SH3PXD2B: variants seen among roughly 807,000 people sequenced by gnomAD.
The protein encoded by SH3PXD2B is SH3 and PX domain-containing protein 2B.
A neutral mutation model predicts 73.1 loss-of-function variants in SH3PXD2B; 37 were observed. That is an observed-to-expected ratio of 0.51 (90% CI 0.39 to 0.67). The LOEUF (loss-of-function observed/expected upper bound fraction) is 0.67, where lower values mean the gene tolerates loss of function less well. SH3PXD2B is among the 30% of genes least tolerant of loss of function. The pLI, the probability that SH3PXD2B is intolerant of heterozygous loss-of-function variation, is 0.00. For missense variants in SH3PXD2B, 1,053 were observed against 1,197.8 expected (o/e 0.88, Z 1.78); for synonymous variants, 457 against 480.5 (o/e 0.95, Z 0.64).
chr5:172,339,091 G>A lies in SH3PXD2B; in HGVS notation c.2014C>T (p.Pro672Ser). The A allele has an allele frequency of 6.2e-7, 1 of 1,614,220 alleles. No individual in the cohort carries two copies. The highest frequency in any genetic ancestry group is 8.5e-7 in the Non-Finnish European group (1 of 1,180,036). Residue 672 changes from proline to serine, a missense_variant, in exon 13 of 13, where the codon CCT (proline) becomes TCT (serine). Transcript: ENST00000311601. The surrounding 1 kb of genome is among the most constrained non-coding windows in gnomAD (Gnocchi z 6.1). ...DICNLRSKLR[P>S]AKSQDKSLLD... ...AAGGACTTGTCTTGGGACTTGGCAG[G>A]CCTGAGCTTACTCCTGAGGTTGCAG...
chr5:172,410,235 G>A (rs1758662184), intron 2 of SH3PXD2B, among the ~76,000 whole-genome samples: 1 of 152,176 alleles, frequency 6.6e-6, no homozygotes, highest in Admixed American at 6.5e-5. Flanking sequence ...TTCCCATGGT[G>A]GCTATACTAG....
intron 10 of SH3PXD2B, among the ~76,000 whole-genome samples, chr5:172,349,878 T>C (rs1198142078): frequency 6.6e-6 from 1 of 151,836 alleles, no homozygotes; most frequent in Admixed American, 6.6e-5. Flanking sequence ...AAATGGAGTT[T>C]CACTCTTGTC....
chr5:172,364,553 T>C (rs1243545919), intron 6 of SH3PXD2B, among the ~76,000 whole-genome samples: 1 of 152,040 alleles, frequency 6.6e-6, no homozygotes, highest in Admixed American at 6.5e-5. Context: ...TAGTCCCAGC[T>C]ACTCAGGAGG....
chr5:172,361,933 C>T (rs538814101), intron 7 of SH3PXD2B, among the ~76,000 whole-genome samples: 34 of 152,318 alleles, frequency 2.2e-4, no homozygotes, highest in Non-Finnish European at 4.1e-4. Context: ...GATTAGCTAA[C>T]GTCACATGTT....
At chr5:172,364,264 G>A (rs145434890) in intron 6 of SH3PXD2B, among the ~76,000 whole-genome samples, 4 of 152,242 alleles carry the variant, frequency 2.6e-5, no homozygotes, top group Admixed American at 2.0e-4. Context: ...GACATTTGCG[G>A]TCACAGGAGG....
intron 6 of SH3PXD2B, among the ~76,000 whole-genome samples, chr5:172,363,759 G>A (rs1757449303): frequency 6.6e-6 from 1 of 152,206 alleles, no homozygotes; most frequent in South Asian, 2.1e-4. Context: ...GGTCCCCGAG[G>A]CAAGCATGGG....
chr5:172,395,180 G>A (rs1045496369), intron 3 of SH3PXD2B, among the ~76,000 whole-genome samples: 6 of 152,152 alleles, frequency 3.9e-5, no homozygotes, highest in Admixed American at 2.0e-4. Context: ...TAGGGGTTAA[G>A]AGTTCCTGGC....
intron 10 of SH3PXD2B, among the ~76,000 whole-genome samples, chr5:172,349,426 G>A (rs1033761607): frequency 7.2e-5 from 11 of 152,222 alleles, no homozygotes; most frequent in Non-Finnish European, 1.0e-4. Flanking sequence ...TGACCAGGCC[G>A]ACAACAGTAA....
rs149123990 is a variant in SH3PXD2B, at chr5:172,451,189, G to A, written c.75+3089C>T. Among the ~76,000 whole-genome samples, 462 of 152,348 alleles carry A rather than the reference G, an allele frequency of 3.0e-3. 4 individuals carry two copies. Among genetic ancestry groups the A allele is most frequent in the African/African-American group, 0.01 (432 of 41,574 alleles). ...TGGGCAGCCCTGAACTCCGGGTGCA[G>A]TTCTCCAATGACATCTACAGCACCT... On this transcript the variant is annotated intron_variant, in intron 1 of 12. Transcript: ENST00000311601.
chr5:172,368,883 TAAA>T (rs1223210493), intron 6 of SH3PXD2B, among the ~76,000 whole-genome samples: 1 of 131,470 alleles, frequency 7.6e-6, no homozygotes, highest in African/African-American at 3.0e-5. Flanking sequence ...ATATATAATA[TAAA>T]AAAAAATATA....
rs377705065 is a variant in SH3PXD2B at position 172,379,344 on chromosome 5, A to G, written c.401+2692T>C. ...AAAAAAAAAAAAAAAGAAGAGACAT[A>G]AGAGAGCTGGCTTTCTCTCTCTCTC... On this transcript the variant is annotated intron_variant, in intron 5 of 12. Transcript: ENST00000311601. Among the ~76,000 whole-genome samples, 810 of 151,460 alleles carry G rather than the reference A, an allele frequency of 5.3e-3. 7 individuals carry two copies. Among genetic ancestry groups the G allele is most frequent in the African/African-American group, 0.019 (776 of 41,212 alleles).
chr5:172,430,803 G>C (rs1056022385), intron 1 of SH3PXD2B, among the ~76,000 whole-genome samples: 5 of 152,262 alleles, frequency 3.3e-5, no homozygotes, highest in African/African-American at 1.2e-4. Flanking sequence ...CTTTGAAAAG[G>C]CAGGAAAGAA....
chr5:172,406,245 T>A (rs751157105), intron 3 of SH3PXD2B, 32 bp downstream of exon 3: 14 of 1,610,440 alleles, frequency 8.7e-6, no homozygotes, highest in Admixed American at 8.3e-5. Context: ...GAGCCCCCAG[T>A]GTCCCAGTCT....
chr5:172,382,303 G>A (rs1369073190), intron 4 of SH3PXD2B, among the ~76,000 whole-genome samples, 176 bp from the exon 5 acceptor site: 2 of 152,156 alleles, frequency 1.3e-5, no homozygotes, highest in Admixed American at 6.5e-5. Flanking sequence ...GTGACAGAGC[G>A]AGACTGTCTC....
chr5:172,453,232 TC>T (rs1442618777), intron 1 of SH3PXD2B, among the ~76,000 whole-genome samples: 1 of 152,132 alleles, frequency 6.6e-6, no homozygotes, highest in Non-Finnish European at 1.5e-5. Flanking sequence ...ATTTTTTCCC[TC>T]CCTCTTACTC....
In SH3PXD2B at chr5:172,419,612, C is replaced by T. The variant is rs114308272; in HGVS notation, c.156+2804G>A. ...GGCTCCATGGGAGATCCTGAGGCTA[C>T]AAGGACAGATGGCCCGGGAGCTGCC... On this transcript the variant is annotated intron_variant, in intron 2 of 12. Coordinates refer to ENST00000311601, the MANE Select transcript of SH3PXD2B (RefSeq NM_001017995.3). Among the ~76,000 whole-genome samples, 446 of 152,300 alleles carry T rather than the reference C, an allele frequency of 2.9e-3. 3 individuals carry two copies. The highest frequency in any genetic ancestry group is 0.01 in the African/African-American group (427 of 41,554).
intron 2 of SH3PXD2B, among the ~76,000 whole-genome samples, chr5:172,408,907 A>G (rs1400170639): frequency 6.6e-6 from 1 of 152,138 alleles, no homozygotes; most frequent in African/African-American, 2.4e-5. Context: ...GTATATATTC[A>G]TGGGGTACAT....
chr5:172,441,542 G>C (rs990953813), intron 1 of SH3PXD2B, among the ~76,000 whole-genome samples: 2 of 152,154 alleles, frequency 1.3e-5, no homozygotes, highest in Non-Finnish European at 2.9e-5. Flanking sequence ...GACAAAATGG[G>C]GGGTTCACAC....
chr5:172,328,273 T>G (rs1416698612), intron 12 of SH3PXD2B, among the ~76,000 whole-genome samples: 1 of 151,580 alleles, frequency 6.6e-6, no homozygotes, highest in African/African-American at 2.4e-5. Context: ...GCCTGGCTAA[T>G]TTTTGCATTT....
Sources: allele counts gnomAD v4.1 joint callset (sites outside exome capture counted in the v4.1 genomes callset), GRCh38; gene constraint gnomAD v4.1.1; non-coding constraint Gnocchi (gnomAD v3.1); transcripts MANE v1.5; gene names NCBI Gene and HGNC (gene_info 2026-07-23, HGNC 2026-07-21).